KREMEN1: variants seen among roughly 807,000 people sequenced by gnomAD.
KREMEN1 encodes the protein kremen protein 1.
KREMEN1 carries 30 observed loss-of-function variants against 46.5 expected under a neutral mutation model. The observed-to-expected ratio is 0.65, with a 90% CI of 0.48 to 0.88. KREMEN1 has a LOEUF of 0.88. Ranked by LOEUF, KREMEN1 falls within the 40% of genes least tolerant of loss-of-function variation. The pLI is 0.00. For synonymous variants in KREMEN1, 214 were observed against 230.6 expected (o/e 0.93, Z 0.65); for missense variants, 533 against 596.9 (o/e 0.89, Z 1.11).
rs562021697 is a variant in KREMEN1 at position 29,112,926 on chromosome 22, G to A, written c.353-8431G>A. On this transcript the variant is annotated intron_variant, in intron 3 of 8. Coordinates refer to ENST00000400335, the MANE Select transcript of KREMEN1 (RefSeq NM_001039570.3). The stretch of plus-strand genomic sequence containing the variant: ...CGTGTCTTCTCCGACTAGACTTCGA[G>A]CCACACTTTCCAGGACAAGTCAGAG... Among the ~76,000 whole-genome samples the A allele has an allele frequency of 4.0e-4, 50 of 126,400 alleles. 1 individual carries two copies. The highest frequency in any genetic ancestry group is 2.0e-3 in the Admixed American group (23 of 11,576). The allele number at this position is 126,400 out of a possible 152,430, so 82.9% of individuals were successfully genotyped here. A position where few individuals can be genotyped will look rare whatever the true frequency, so the allele number is the denominator to read the frequency against.
intron 3 of KREMEN1, among the ~76,000 whole-genome samples, chr22:29,107,866 G>A (rs1452026667): frequency 6.6e-6 from 1 of 152,200 alleles, no homozygotes; most frequent in Non-Finnish European, 1.5e-5. Flanking sequence ...TTGTGGAAGA[G>A]TGCTGATGGA....
At chr22:29,098,423 A>G (rs1199839426) in intron 2 of KREMEN1, among the ~76,000 whole-genome samples, 2 of 152,146 alleles carry the variant, frequency 1.3e-5, no homozygotes, top group Non-Finnish European at 2.9e-5. Context: ...GAGGGTTTGC[A>G]TATTTCTAGG....
downstream of KREMEN1, among the ~76,000 whole-genome samples, chr22:29,148,683 A>G (rs1480721990): frequency 2.0e-5 from 3 of 151,750 alleles, no homozygotes; most frequent in Non-Finnish European, 2.9e-5. Flanking sequence ...TCAAACTCCT[A>G]ACCTCAGGTG....
intron 9 of KREMEN1, chr22:29,154,864 C>G (rs1289024294): frequency 6.6e-6 from 1 of 152,046 alleles, no homozygotes; most frequent in East Asian, 1.9e-4. Flanking sequence ...TGTCCTGACT[C>G]TAAACCTGGA....
At chr22:29,095,843 G>T (rs2037875498) in intron 2 of KREMEN1, among the ~76,000 whole-genome samples, 1 of 147,944 alleles carries the variant, frequency 6.8e-6, no homozygotes, top group South Asian at 2.4e-4. Context: ...GACTTATTTT[G>T]TTTGTTATAA....
In KREMEN1 at chr22:29,142,421, G is replaced by C; in HGVS notation, c.*309G>C. ...TCAGGACAGTGAGGCTGAGATGACA[G>C]AGGTGGTCATGGCTGGCACAGGGCT... On this transcript the variant is annotated 3_prime_UTR_variant, in exon 9 of 9. Coordinates refer to ENST00000400335, the MANE Select transcript of KREMEN1 (RefSeq NM_001039570.3). 1 of 1,079,922 alleles carries C rather than the reference G, an allele frequency of 9.3e-7. No homozygotes were observed. Among genetic ancestry groups the C allele is most frequent in the Non-Finnish European group, 1.1e-6 (1 of 891,648 alleles). 66.9% of individuals were successfully genotyped at this position (1,079,922 alleles called of 1,614,324 possible). A position where few individuals can be genotyped will look rare whatever the true frequency, so the allele number is the denominator to read the frequency against.
intron 9 of KREMEN1, among the ~76,000 whole-genome samples, chr22:29,161,308 C>T (rs890513522): frequency 6.6e-6 from 1 of 151,446 alleles, no homozygotes; most frequent in African/African-American, 2.4e-5. Context: ...GAGATCGAGA[C>T]CATCCTGGCT....
intron 3 of KREMEN1, among the ~76,000 whole-genome samples, chr22:29,100,177 G>A (rs560157332): frequency 3.3e-4 from 49 of 149,730 alleles, no homozygotes; most frequent in African/African-American, 8.4e-4. Context: ...CTGCAACGGC[G>A]CCATCTCGGC....
intron 1 of KREMEN1, among the ~76,000 whole-genome samples, chr22:29,076,964 G>A (rs2037582523): frequency 6.6e-6 from 1 of 152,220 alleles, no homozygotes; most frequent in Admixed American, 6.5e-5. Flanking sequence ...GAAAGTTGAT[G>A]CACTTCTTGT....
intron 9 of KREMEN1, among the ~76,000 whole-genome samples, chr22:29,161,280 G>A (rs551961473): frequency 6.6e-6 from 1 of 151,980 alleles, no homozygotes; most frequent in Non-Finnish European, 1.5e-5. Flanking sequence ...GGCCAAGGTG[G>A]GCAGATCATG....
At chr22:29,149,050 C>T (rs1018174674), downstream of KREMEN1, among the ~76,000 whole-genome samples, 6 of 152,192 alleles carry the variant, frequency 3.9e-5, no homozygotes, top group African/African-American at 1.4e-4. Flanking sequence ...TCCCTGGAAG[C>T]ATTGCCTCGA....
chr22:29,088,619 C>T (rs548275678), intron 1 of KREMEN1, among the ~76,000 whole-genome samples: 4 of 152,218 alleles, frequency 2.6e-5, no homozygotes, highest in South Asian at 2.1e-4. Context: ...CGTGGGCCAC[C>T]GCACCTGGCC....
intron 1 of KREMEN1, among the ~76,000 whole-genome samples, chr22:29,082,146 G>A (rs1465583856): frequency 2.0e-5 from 3 of 152,190 alleles, no homozygotes; most frequent in Non-Finnish European, 4.4e-5. Flanking sequence ...AGTGAGGCAA[G>A]GCGTAGATTT....
At chr22:29,090,113 A>G (rs1346034562) in intron 1 of KREMEN1, among the ~76,000 whole-genome samples, 4 of 152,268 alleles carry the variant, frequency 2.6e-5, no homozygotes, top group African/African-American at 4.8e-5. Context: ...TGCCAGGCAC[A>G]TAGTATTGAA....
intron 1 of KREMEN1, among the ~76,000 whole-genome samples, chr22:29,092,175 G>A (rs962431364): frequency 2.8e-4 from 42 of 152,308 alleles, no homozygotes; most frequent in African/African-American, 9.9e-4. Flanking sequence ...CATCAAAGAT[G>A]GAGAGAAGGC....
At position 29,103,490 on chromosome 22, in the gene KREMEN1, A is replaced by G. The variant is rs16987087; in HGVS notation, c.352+4537A>G. Among the ~76,000 whole-genome samples, 1,028 of 152,254 alleles carry G rather than the reference A, an allele frequency of 6.8e-3. 14 individuals are homozygous for G. Among genetic ancestry groups the G allele is most frequent in the African/African-American group, 0.023 (972 of 41,524 alleles). On this transcript the variant is annotated intron_variant, in intron 3 of 8. Coordinates refer to ENST00000400335, the MANE Select transcript of KREMEN1 (RefSeq NM_001039570.3). ...ATCAGAACTTACTGTTAAAAGAACA[A>G]CTCGGAGGTAATTGGATTTGCCCCT...
intron 1 of KREMEN1, among the ~76,000 whole-genome samples, chr22:29,075,654 C>G (rs1230376239): frequency 2.6e-5 from 4 of 152,120 alleles, no homozygotes; most frequent in Admixed American, 6.6e-5. Flanking sequence ...CCAACACATC[C>G]TGTCTAGATC....
At chr22:29,120,094 AGAGGTGATGAAGGAAATGGAGGAG>A in intron 3 of KREMEN1, among the ~76,000 whole-genome samples, 3 of 112,102 alleles carry the variant, frequency 2.7e-5, no homozygotes, top group African/African-American at 3.4e-5. Context: ...TGGAGGAGGG[AGAGGTGATGAAGGAAATGGAGGAG>A]GGAGAGGTGA....
At chr22:29,080,919 C>A (rs2037643488) in intron 1 of KREMEN1, among the ~76,000 whole-genome samples, 1 of 137,718 alleles carries the variant, frequency 7.3e-6, no homozygotes, top group African/African-American at 2.7e-5. Context: ...AAACCCCGTC[C>A]TGATTGTATT....
Sources: allele counts gnomAD v4.1 joint callset (sites outside exome capture counted in the v4.1 genomes callset), GRCh38; gene constraint gnomAD v4.1.1; transcripts MANE v1.5; gene names NCBI Gene and HGNC (gene_info 2026-07-23, HGNC 2026-07-21).